Variants in PPP2R2B observed in about 807,000 individuals in gnomAD.
PPP2R2B encodes the protein serine/threonine-protein phosphatase 2A 55 kDa regulatory subunit B beta isoform.
A neutral mutation model predicts 46.0 loss-of-function variants in PPP2R2B; 5 were observed. That is an observed-to-expected ratio of 0.11 (90% CI 0.06 to 0.23). The LOEUF (loss-of-function observed/expected upper bound fraction) is 0.23. PPP2R2B is among the 10% of genes least tolerant of loss of function. PPP2R2B has a pLI of 1.00. For synonymous variants in PPP2R2B, 215 were observed against 206.7 expected (o/e 1.04, Z -0.34); for missense variants, 367 against 575.0 (o/e 0.64, Z 3.70).
At chr5:146,739,636 G>T (rs1161814040) in intron 2 of PPP2R2B, among the ~76,000 whole-genome samples, 1 of 152,186 alleles carries the variant, frequency 6.6e-6, no homozygotes, top group East Asian at 1.9e-4. Flanking sequence ...GGAAGAGGAT[G>T]CATCAAAGAT....
intron 2 of PPP2R2B, among the ~76,000 whole-genome samples, chr5:146,748,930 C>T (rs1753363667): frequency 6.6e-6 from 1 of 152,118 alleles, no homozygotes; most frequent in African/African-American, 2.4e-5. Flanking sequence ...ATTCTTGGGT[C>T]ATATGGTATT....
At chr5:147,029,194 C>T (rs548295234) in intron 1 of PPP2R2B, among the ~76,000 whole-genome samples, 1 of 152,184 alleles carries the variant, frequency 6.6e-6, no homozygotes, top group South Asian at 2.1e-4. Flanking sequence ...ATTATTATCA[C>T]CTTTTATGTC....
intron 1 of PPP2R2B, among the ~76,000 whole-genome samples, chr5:147,011,694 G>A (rs1754741646): frequency 6.7e-6 from 1 of 150,242 alleles, no homozygotes; most frequent in African/African-American, 2.5e-5. Flanking sequence ...TGCCCATTCA[G>A]TATGATATTG....
chr5:146,785,405 G>A (rs1195821567), intron 2 of PPP2R2B, among the ~76,000 whole-genome samples: 2 of 151,984 alleles, frequency 1.3e-5, no homozygotes, highest in Non-Finnish European at 2.9e-5. Context: ...AAAATTAGCT[G>A]GGCATGGTAG....
At chr5:146,748,374 A>C (rs1298911602) in intron 2 of PPP2R2B, among the ~76,000 whole-genome samples, 1 of 152,162 alleles carries the variant, frequency 6.6e-6, no homozygotes, top group East Asian at 1.9e-4. Flanking sequence ...AACATTTTGC[A>C]AAACTATAGG....
chr5:146,943,116 T>C (rs1407559057), intron 1 of PPP2R2B, among the ~76,000 whole-genome samples: 1 of 152,148 alleles, frequency 6.6e-6, no homozygotes, highest in Non-Finnish European at 1.5e-5. Flanking sequence ...AATTTTAATC[T>C]AGTATTTTCA....
At chr5:146,936,715 G>A (rs1764155509) in intron 1 of PPP2R2B, among the ~76,000 whole-genome samples, 1 of 152,012 alleles carries the variant, frequency 6.6e-6, no homozygotes, top group South Asian at 2.1e-4. Flanking sequence ...CTACGGCTGT[G>A]GGCTTGGTTT....
At chr5:146,593,863 C>T (rs1770909187) in intron 8 of PPP2R2B, among the ~76,000 whole-genome samples, 1 of 152,166 alleles carries the variant, frequency 6.6e-6, no homozygotes. Context: ...GCTGAATCTG[C>T]TGTGTTGCAA....
In PPP2R2B at chr5:146,977,374, A is replaced by G. The variant is rs542579071; in HGVS notation, c.79+78291T>C. Among the ~76,000 whole-genome samples the G allele has an allele frequency of 2.0e-5, 3 of 151,022 alleles. No homozygotes were observed. The South Asian group carries it at 6.3e-4, about 32-fold the overall frequency. On this transcript the variant is annotated intron_variant, in intron 1 of 8. Transcript: ENST00000336640. ...CTCCTGTGTAACAGTCTCTTTTAAT[A>G]TTATTATTATTATTATTATACTTTA...
intron 1 of PPP2R2B, among the ~76,000 whole-genome samples, chr5:146,908,129 A>C (rs1237810475): frequency 6.6e-6 from 1 of 152,238 alleles, no homozygotes; most frequent in Non-Finnish European, 1.5e-5. Flanking sequence ...GAGGTACCCC[A>C]GGGCACCACA....
intron 1 of PPP2R2B, among the ~76,000 whole-genome samples, chr5:147,021,769 T>C (rs1046988840): frequency 6.6e-6 from 1 of 152,150 alleles, no homozygotes; most frequent in African/African-American, 2.4e-5. Context: ...CTCAACAACA[T>C]AACATTAACA....
At chr5:146,667,450 T>A (rs1183227548) in intron 5 of PPP2R2B, among the ~76,000 whole-genome samples, 6 of 150,970 alleles carry the variant, frequency 4.0e-5, no homozygotes, top group African/African-American at 1.5e-4. Flanking sequence ...TAAGACTCTA[T>A]AGAATAAAAA....
At chr5:146,630,749 A>AAATTT (rs1459033516) in intron 7 of PPP2R2B, among the ~76,000 whole-genome samples, 2 of 152,156 alleles carry the variant, frequency 1.3e-5, no homozygotes, top group Non-Finnish European at 2.9e-5. Flanking sequence ...CCCACACTTA[A>AAATTT]AAGACACATG....
chr5:146,853,155 A>G (rs1760452214), intron 2 of PPP2R2B, among the ~76,000 whole-genome samples: 1 of 152,140 alleles, frequency 6.6e-6, no homozygotes, highest in Non-Finnish European at 1.5e-5. Flanking sequence ...AATGTCCCCT[A>G]GGAAATGCCA....
At chr5:146,716,732 A>G (rs999298533) in intron 2 of PPP2R2B, among the ~76,000 whole-genome samples, 7 of 152,078 alleles carry the variant, frequency 4.6e-5, no homozygotes, top group Non-Finnish European at 1.0e-4. Context: ...CCCTTCTAAC[A>G]CCCAGTTGAA....
rs374754667 is a variant in PPP2R2B, at chr5:146,809,650, G to A, written c.70+68352C>T. Among the ~76,000 whole-genome samples the A allele has an allele frequency of 4.7e-4, 72 of 152,296 alleles. 1 individual carries two copies. In the South Asian group the frequency reaches 0.015, roughly 31 times the overall value. ...TTAGTAAGCAAGGAGTGGGCCACGA[G>A]GCTGTGGGCACACAGAGACCAGATC... On this transcript the variant is annotated intron_variant, in intron 2 of 9. Coordinates refer to ENST00000394411, the MANE Select transcript of PPP2R2B (RefSeq NM_181675.4).
chr5:146,837,831 T>C (rs967632500), intron 2 of PPP2R2B, among the ~76,000 whole-genome samples: 2 of 152,204 alleles, frequency 1.3e-5, no homozygotes, highest in Non-Finnish European at 2.9e-5. Flanking sequence ...AGCACAATTC[T>C]AGGAAGTTCA....
intron 2 of PPP2R2B, among the ~76,000 whole-genome samples, chr5:146,804,812 A>G (rs1757077495): frequency 6.6e-6 from 1 of 152,150 alleles, no homozygotes. Context: ...GCCTGAGGAG[A>G]AGCATATGTT....
At position 146,814,191 on chromosome 5, in the gene PPP2R2B, T is replaced by TAA. The variant is rs538306555; in HGVS notation, c.70+63809_70+63810dup. On this transcript the variant is annotated intron_variant, in intron 2 of 9. Transcript: ENST00000394411. Reference sequence around the variant, plus strand: ...AAATACTGAAGGTAGAGAAAACAGCTAAAAAAAAAAAAAAACCCTCCATAT... The same window carrying TAA: ...AAATACTGAAGGTAGAGAAAACAGCTAAAAAAAAAAAAAAAAACCCTCCATAT... 1.4e-3 allele frequency among the ~76,000 whole-genome samples: 178 copies of TAA among 124,474 alleles called. 1 individual carries two copies. The highest frequency in any genetic ancestry group is 4.7e-3 in the African/African-American group (163 of 34,668). The allele number at this position is 124,474 out of a possible 152,430, so 81.7% of individuals were successfully genotyped here.
Sources: gnomAD v4.1 joint callset for allele counts (sites outside exome capture counted in the v4.1 genomes callset) on GRCh38, gnomAD v4.1.1 for gene constraint, MANE v1.5 for transcripts, NCBI Gene and HGNC (gene_info 2026-07-23, HGNC 2026-07-21) for gene names.